VIL1: variants seen among roughly 807,000 people sequenced by gnomAD.
VIL1 encodes the protein villin 1, also known as villin-1.
Under a neutral mutation model 104.0 loss-of-function variants are expected in VIL1, and 86 were observed. The ratio of observed to expected loss-of-function variants is 0.83; its 90% CI spans 0.69 to 0.99. VIL1 has a LOEUF of 0.99. VIL1 is among the 50% of genes least tolerant of loss of function. The pLI is 0.00. For missense variants in VIL1, 944 were observed against 1,054.1 expected, an observed-to-expected ratio of 0.90 and a Z score of 1.45; for synonymous variants, 394 against 412.6, an observed-to-expected ratio of 0.95 and a Z score of 0.55.
chr2:218,438,734 C>T lies in VIL1; in HGVS notation c.2229+8C>T, dbSNP rs371843905. 134 of 1,608,956 alleles carry T rather than the reference C, an allele frequency of 8.3e-5. No homozygotes were observed. In the African/African-American group the frequency reaches 1.2e-3, roughly 14 times the overall value. On this transcript the variant is annotated splice_region_variant and intron_variant, in intron 18 of 19. Coordinates refer to ENST00000248444, the MANE Select transcript of VIL1 (RefSeq NM_007127.3). ...TGGAGCCAGATCACTGCTGTGAGTC[C>T]GGGGCGGGGTGGCTGGGCCCTGCAG...
chr2:218,441,723 C>T (rs190987578), intron 19 of VIL1, among the ~76,000 whole-genome samples: 61 of 152,116 alleles, frequency 4.0e-4, no homozygotes, highest in African/African-American at 1.3e-3. Flanking sequence ...CACGGTGGCT[C>T]ATGCCTGTAA....
chr2:218,433,475 C>T (rs1303092522), intron 13 of VIL1, among the ~76,000 whole-genome samples: 2 of 151,876 alleles, frequency 1.3e-5, no homozygotes, highest in Non-Finnish European at 2.9e-5. Flanking sequence ...CGGTGGCTCT[C>T]ACCTGTAATC....
chr2:218,439,088 G>A (rs982150442), intron 18 of VIL1, among the ~76,000 whole-genome samples: 2 of 151,672 alleles, frequency 1.3e-5, no homozygotes, highest in Non-Finnish European at 2.9e-5. Context: ...GTGCCACCAC[G>A]CCTGGCTAAT....
intron 18 of VIL1, 87 bp from the exon 19 acceptor site, chr2:218,440,635 G>A (rs1324310183): frequency 2.1e-5 from 33 of 1,543,664 alleles, no homozygotes; most frequent in Non-Finnish European, 2.7e-5. Context: ...CTTGAAGGTG[G>A]TGCCCTAGAG....
In VIL1 at chr2:218,435,310, G is replaced by A; in HGVS notation, c.1702G>A (p.Glu568Lys). 1 of 1,614,090 alleles carries A rather than the reference G, an allele frequency of 6.2e-7. No individual in the cohort carries two copies. Among genetic ancestry groups the A allele is most frequent in the Non-Finnish European group, 8.5e-7 (1 of 1,179,968 alleles). The change falls in exon 15 of 20, where the codon GAG becomes AAG. Residue 568 changes from glutamate (E) to lysine (K), a missense_variant. Coordinates refer to ENST00000248444, the MANE Select transcript of VIL1 (RefSeq NM_007127.3). ...CTAGGGTTGTAGCGGGGACGAGCGG[G>A]AGATGGCCAAGATGGTTGCTGACAC... is the stretch of plus-strand genomic sequence containing the variant. Reference protein sequence around the residue: ...CGKGCSGDEREMAKMVADTIS... With the variant: ...CGKGCSGDERKMAKMVADTIS...
intron 1 of VIL1, among the ~76,000 whole-genome samples, chr2:218,419,865 G>C (rs1244713274): frequency 1.3e-5 from 2 of 152,206 alleles, no homozygotes; most frequent in African/African-American, 4.8e-5. Context: ...CTGCAGACCA[G>C]GCTCTGAGGA....
At position 218,423,842 on chromosome 2, in the gene VIL1, T is replaced by C; in HGVS notation, c.64T>C (p.Trp22Arg). ...CATCACCACCCCGGGGCTGCAGATA[T>C]GGAGGATCGAGGTGAGGCCCTGTCT... The part of the protein sequence containing the change: ...LNITTPGLQI[W>R]RIEAMQMVPV... Residue 22 changes from tryptophan (W) to arginine (R), a missense_variant, in exon 2 of 20, where the codon TGG (tryptophan) becomes CGG (arginine). Trp to Arg is a moderately radical substitution (Grantham distance 101). Coordinates refer to ENST00000248444, the MANE Select transcript of VIL1 (RefSeq NM_007127.3). The C allele has an allele frequency of 1.2e-6, 2 of 1,614,142 alleles. No individual in the cohort carries two copies. Among genetic ancestry groups the C allele is most frequent in the Non-Finnish European group, 1.7e-6 (2 of 1,180,006 alleles).
intron 19 of VIL1, among the ~76,000 whole-genome samples, chr2:218,447,043 T>C (rs1195425059): frequency 6.6e-6 from 1 of 152,082 alleles, no homozygotes; most frequent in Non-Finnish European, 1.5e-5. Flanking sequence ...GGATTACAGG[T>C]GTGAGCCAAC....
chr2:218,425,918 G>A (rs1186442570), intron 4 of VIL1, 107 bp downstream of exon 4: 1 of 1,240,050 alleles, frequency 8.1e-7, no homozygotes, highest in African/African-American at 1.5e-5. Context: ...TCAGGCCTGG[G>A]AAGAACACTT....
At chr2:218,434,946 T>C (rs1182895478) in intron 14 of VIL1, among the ~76,000 whole-genome samples, 1 of 152,228 alleles carries the variant, frequency 6.6e-6, no homozygotes, top group Non-Finnish European at 1.5e-5. Flanking sequence ...TCTTGTTCTG[T>C]TTCTCTGGCC....
chr2:218,430,316 C>A (rs1294965711), intron 9 of VIL1, among the ~76,000 whole-genome samples: 1 of 152,152 alleles, frequency 6.6e-6, no homozygotes, highest in African/African-American at 2.4e-5. Flanking sequence ...AGGGCCAAGT[C>A]AGAGTTTGGG....
In VIL1 at chr2:218,450,127, AG is replaced by A. The variant is rs1689445216; in HGVS notation, c.*792del. On this transcript the variant is annotated 3_prime_UTR_variant, in exon 20 of 20. Transcript: ENST00000248444. ...GTTTGCCATTCTGTTCCTTTTAAGA[AG>A]TAACAGTGCTGCAAGGAAGTCCATG... The A allele has an allele frequency of 6.6e-6, 1 of 152,210 alleles. No homozygotes were observed. The highest frequency in any genetic ancestry group is 1.5e-5 in the Non-Finnish European group (1 of 68,046). The allele number at this position is 152,210 out of a possible 1,614,324, so 9.4% of individuals were successfully genotyped here. A position where few individuals can be genotyped will look rare whatever the true frequency, so the allele number is the denominator to read the frequency against.
Position 218,451,153 on chromosome 2 carries a change from C to A in VIL1, c.*1817C>A, listed in dbSNP as rs1344003964. On this transcript the variant is annotated 3_prime_UTR_variant, in exon 20 of 20. Transcript: ENST00000248444. ...AATGCAATAAAAAGATGTTGGAGGG[C>A]AGAAGTCTATTTAGTTTTTGTATAC... The A allele has an allele frequency of 6.6e-6, 1 of 152,080 alleles. No homozygotes were observed. Among genetic ancestry groups the A allele is most frequent in the East Asian group, 1.9e-4 (1 of 5,200 alleles). 9.4% of individuals were successfully genotyped at this position (152,080 alleles called of 1,614,324 possible).
intron 14 of VIL1, among the ~76,000 whole-genome samples, 195 bp downstream of exon 14, chr2:218,434,900 C>A (rs558548808): frequency 1.3e-5 from 2 of 152,332 alleles, no homozygotes; most frequent in South Asian, 4.1e-4. Context: ...CAATGACCAT[C>A]CTCAGATTCT....
chr2:218,436,291 A>G (rs1343914098), intron 15 of VIL1, among the ~76,000 whole-genome samples, 191 bp from the exon 16 acceptor site: 1 of 152,176 alleles, frequency 6.6e-6, no homozygotes, highest in Non-Finnish European at 1.5e-5. Context: ...ATGCATGTCC[A>G]GAAAGCAGTG....
chr2:218,428,296 C>T lies in VIL1; in HGVS notation c.526C>T (p.Gln176Ter). The T allele has an allele frequency of 6.2e-7, 1 of 1,614,180 alleles. No individual in the cohort carries two copies. Among genetic ancestry groups the T allele is most frequent in the East Asian group, 2.2e-5 (1 of 44,884 alleles). ...CCTGGACCTTGGGAAGCTTATCATC[C>T]AGTGGAATGGACCGGAAAGCACCCG... ...FLLDLGKLII[Q>*]WNGPESTRME... Residue 176 changes from glutamine to a stop codon, truncating the protein, a stop_gained, in exon 6 of 20, where the codon CAG becomes TAG. Transcript: ENST00000248444. LOFTEE classifies it high-confidence loss of function.
chr2:218,435,041 T>C (rs1024387865), intron 14 of VIL1, among the ~76,000 whole-genome samples: 2 of 152,190 alleles, frequency 1.3e-5, no homozygotes, highest in Admixed American at 6.5e-5. Flanking sequence ...TCTCCTTTGA[T>C]CTCTGTAAGA....
rs1355517848 is a variant in VIL1 at position 218,432,907 on chromosome 2, C to T, written c.1456C>T (p.Pro486Ser). 3.1e-6 allele frequency: 5 copies of T among 1,614,084 alleles called. No homozygotes were observed. Among genetic ancestry groups the T allele is most frequent in the East Asian group, 2.2e-5 (1 of 44,898 alleles). ...CCGGGTCCCAATGGGCAAGGAGCCACCTCATCTTATGTCCATCTTCAAGGG... is the reference window on the plus strand; with the variant it reads ...CCGGGTCCCAATGGGCAAGGAGCCATCTCATCTTATGTCCATCTTCAAGGG... ...QIRVPMGKEP[P>S]HLMSIFKGRM... is the part of the protein sequence containing the mutation. The change falls in exon 13 of 20, where the codon CCT (proline) becomes TCT (serine). Residue 486 changes from proline (P) to serine (S), a missense_variant. Pro to Ser is a moderately conservative substitution (Grantham distance 74). Coordinates refer to ENST00000248444, the MANE Select transcript of VIL1 (RefSeq NM_007127.3).
In VIL1 at chr2:218,450,326, G is replaced by C. The variant is rs2106399624; in HGVS notation, c.*990G>C. 6.6e-6 allele frequency: 1 copy of C among 152,486 alleles called. No homozygotes were observed. The highest frequency in any genetic ancestry group is 2.1e-4 in the South Asian group (1 of 4,824). The allele number at this position is 152,486 out of a possible 1,614,324, so 9.4% of individuals were successfully genotyped here. ...AATTTAAAAAGGAAACAAAAACAAAGAAAAACCGTAAAGGATACAGAGGAA... is the reference window on the plus strand; with the variant it reads ...AATTTAAAAAGGAAACAAAAACAAACAAAAACCGTAAAGGATACAGAGGAA... On this transcript the variant is annotated 3_prime_UTR_variant, in exon 20 of 20. Coordinates refer to ENST00000248444, the MANE Select transcript of VIL1 (RefSeq NM_007127.3).
Sources: allele counts gnomAD v4.1 joint callset (sites outside exome capture counted in the v4.1 genomes callset), GRCh38; gene constraint gnomAD v4.1.1; transcripts MANE v1.5; gene names NCBI Gene and HGNC (gene_info 2026-07-23, HGNC 2026-07-21).